Variants in LPA observed in about 807,000 individuals in gnomAD.
LPA encodes apolipoprotein(a).
A neutral mutation model predicts 197.9 loss-of-function variants in LPA; 199 were observed. That is an observed-to-expected ratio of 1.01 (90% CI 0.90 to 1.13). LPA has a LOEUF of 1.13. Ranked by LOEUF, LPA falls within the 50% of genes most tolerant of loss-of-function variation. The probability of loss-of-function intolerance (pLI) is 0.00; values close to 1 mark genes in which losing one functional copy is unlikely to be tolerated. For missense variants in LPA, 1,853 were observed against 1,785.8 expected (o/e 1.04, Z -0.68); for synonymous variants, 715 against 639.5 (o/e 1.12, Z -1.78).
intron 16 of LPA, among the ~76,000 whole-genome samples, chr6:160,608,289 T>C (rs1779404259): frequency 6.6e-6 from 1 of 152,116 alleles, no homozygotes; most frequent in South Asian, 2.1e-4. Context: ...TCCGGTTTCT[T>C]TGTTTGGGGC....
chr6:160,539,129 C>G (rs929280180), intron 36 of LPA, among the ~76,000 whole-genome samples: 1 of 152,162 alleles, frequency 6.6e-6, no homozygotes, highest in Admixed American at 6.5e-5. Context: ...GAGAGCAGCT[C>G]AGGCTCCTGC....
chr6:160,641,071 T>A (rs539718599), intron 4 of LPA, among the ~76,000 whole-genome samples: 1 of 139,354 alleles, frequency 7.2e-6, no homozygotes, highest in Non-Finnish European at 1.6e-5. Flanking sequence ...AAATAAAAAA[T>A]CTAAAGTAGC....
chr6:160,599,041 C>A (rs1779184306), intron 20 of LPA, among the ~76,000 whole-genome samples: 2 of 152,108 alleles, frequency 1.3e-5, no homozygotes, highest in Admixed American at 1.3e-4. Context: ...GAAGGAGAGC[C>A]AGCTTAAAAA....
Position 160,577,137 on chromosome 6 carries a change from C to A in LPA, c.4630G>T (p.Ala1544Ser), listed in dbSNP as rs755767558. ...TTATGGTTTTAATCAAATACATACGCATTTGGGTAGTTTTCTGGGGTCCTC... is the reference window on the plus strand; with the variant it reads ...TTATGGTTTTAATCAAATACATACGAATTTGGGTAGTTTTCTGGGGTCCTC... ...HQRTPENYPN[A>S]GLTENYCRNP... Residue 1544 changes from alanine (A) to serine (S), a missense_variant and splice_region_variant, in exon 28 of 39, where the codon GCT becomes TCT. By Grantham distance (99) the Ala-to-Ser change is moderately conservative. Coordinates refer to ENST00000316300, the MANE Select transcript of LPA (RefSeq NM_005577.4). 10 of 1,613,266 alleles carry A rather than the reference C, an allele frequency of 6.2e-6. No individual in the cohort carries two copies. In the African/African-American group the frequency reaches 1.3e-4, roughly 22 times the overall value.
At chr6:160,539,041 A>T (rs560194976) in intron 36 of LPA, among the ~76,000 whole-genome samples, 5 of 152,174 alleles carry the variant, frequency 3.3e-5, no homozygotes, top group Admixed American at 6.5e-5. Flanking sequence ...TCCTTCCTAG[A>T]GTGTCAGAGG....
chr6:160,558,918 C>T (rs1286959498), intron 28 of LPA, among the ~76,000 whole-genome samples: 1 of 152,206 alleles, frequency 6.6e-6, no homozygotes, highest in Non-Finnish European at 1.5e-5. Flanking sequence ...TGCCTGTGAC[C>T]TAGTCTCCAG....
chr6:160,535,696 G>C (rs2114994204), intron 37 of LPA, among the ~76,000 whole-genome samples: 1 of 152,190 alleles, frequency 6.6e-6, no homozygotes, highest in South Asian at 2.1e-4. Context: ...CGATGATGTT[G>C]ATGGGGATGA....
intron 31 of LPA, 24 bp downstream of exon 31, chr6:160,548,454 C>A (rs1562317368): frequency 6.2e-7 from 1 of 1,612,336 alleles, no homozygotes; most frequent in East Asian, 2.2e-5. Context: ...ATGTGCTAGA[C>A]AAGGTAAGAC....
intron 28 of LPA, among the ~76,000 whole-genome samples, chr6:160,571,312 A>G (rs1444322540): frequency 6.6e-6 from 1 of 152,206 alleles, no homozygotes; most frequent in African/African-American, 2.4e-5. Context: ...GTGTTAGAAC[A>G]TGCTCCTTTA....
intron 37 of LPA, 118 bp from the exon 38 acceptor site, chr6:160,532,767 C>G: frequency 1.3e-6 from 1 of 755,220 alleles, no homozygotes. Flanking sequence ...CTGCAGAACA[C>G]AAGGCAGCTC....
At chr6:160,564,130 C>A (rs1778409380) in intron 28 of LPA, among the ~76,000 whole-genome samples, 1 of 151,956 alleles carries the variant, frequency 6.6e-6, no homozygotes, top group African/African-American at 2.4e-5. Context: ...GCTATTTTGC[C>A]CATTAGTTGA....
chr6:160,576,340 GTATATATA>G (rs71542980), intron 28 of LPA, among the ~76,000 whole-genome samples: 3 of 40,394 alleles, frequency 7.4e-5, no homozygotes, highest in African/African-American at 9.4e-5. Context: ...GTGTGTGTGT[GTATATATA>G]TATATATATA....
At chr6:160,661,732 A>G (rs527543570) in intron 1 of LPA, among the ~76,000 whole-genome samples, 119 of 152,346 alleles carry the variant, frequency 7.8e-4, no homozygotes, top group Non-Finnish European at 1.4e-3. Context: ...TCATTGAGAA[A>G]TAGATATTTT....
At chr6:160,549,442 T>C (rs1390970786) in intron 30 of LPA, among the ~76,000 whole-genome samples, 1 of 152,206 alleles carries the variant, frequency 6.6e-6, no homozygotes, top group Non-Finnish European at 1.5e-5. Flanking sequence ...TCTATACCTG[T>C]CTAACTCTCT....
At chr6:160,610,749 T>G (rs1219870513) in intron 16 of LPA, among the ~76,000 whole-genome samples, 3 of 152,286 alleles carry the variant, frequency 2.0e-5, no homozygotes, top group African/African-American at 7.2e-5. Context: ...TACAGGCTGC[T>G]TGAGCTCCAT....
intron 28 of LPA, among the ~76,000 whole-genome samples, chr6:160,571,051 G>A (rs2115024387): frequency 6.6e-6 from 1 of 152,232 alleles, no homozygotes; most frequent in Non-Finnish European, 1.5e-5. Context: ...CATACTTGGA[G>A]GATTTGTTCA....
chr6:160,643,083 AGTGTGTGT>A (rs767484310), intron 4 of LPA, among the ~76,000 whole-genome samples: 185 of 130,640 alleles, frequency 1.4e-3, no homozygotes, highest in Middle Eastern at 8.9e-3. Context: ...GTGTGTTTTC[AGTGTGTGT>A]GTGTGTGTGT....
At chr6:160,541,020 G>A in intron 35 of LPA, 87 bp downstream of exon 35, 2 of 1,091,294 alleles carry the variant, frequency 1.8e-6, no homozygotes, top group African/African-American at 1.5e-5. Flanking sequence ...AGGAAGGGGA[G>A]GGTGGGAAGA....
At chr6:160,584,234 TTCTTCC>T (rs60317645) in intron 26 of LPA, among the ~76,000 whole-genome samples, 950 of 63,894 alleles carry the variant, frequency 0.015, 3 homozygotes, top group East Asian at 0.091. Context: ...CTTCTTCTTC[TTCTTCC>T]TCCTCCTCCT....
Sources: gnomAD v4.1 joint callset for allele counts (sites outside exome capture counted in the v4.1 genomes callset) on GRCh38, gnomAD v4.1.1 for gene constraint, MANE v1.5 for transcripts, NCBI Gene and HGNC (gene_info 2026-07-23, HGNC 2026-07-21) for gene names.